Variants in F11R observed in about 807,000 individuals in gnomAD.
F11R encodes the protein junctional adhesion molecule A.
F11R carries 27 observed loss-of-function variants against 39.3 expected under a neutral mutation model. The ratio of observed to expected loss-of-function variants is 0.69; its 90% confidence interval spans 0.51 to 0.95. The LOEUF (loss-of-function observed/expected upper bound fraction) is 0.95. F11R is among the 40% of genes least tolerant of loss of function. The pLI is 0.00. For synonymous variants in F11R, 131 were observed against 144.9 expected, an observed-to-expected ratio of 0.90 and a Z score of 0.69; for missense variants, 335 against 372.7, an observed-to-expected ratio of 0.90 and a Z score of 0.83.
In F11R at chr1:160,996,238, T is replaced by C. The variant is rs1296689324; in HGVS notation, c.*2633A>G. 4.6e-5 allele frequency: 7 copies of C among 152,456 alleles called. No homozygotes were observed. The highest frequency in any genetic ancestry group is 1.3e-4 in the Admixed American group (2 of 15,298). 9.4% of individuals were successfully genotyped at this position (152,456 alleles called of 1,614,324 possible). A position where few individuals can be genotyped will look rare whatever the true frequency, so the allele number is the denominator to read the frequency against. ...TTATTATAAAAATTAGTTTTGACAT[T>C]TTAAAGTGAATGCAGACAAGGTGTT... On this transcript the variant is annotated 3_prime_UTR_variant, in exon 10 of 10. Transcript: ENST00000368026.
intron 1 of F11R, among the ~76,000 whole-genome samples, chr1:161,014,947 G>A (rs1295359851): frequency 5.3e-5 from 8 of 150,936 alleles, no homozygotes; most frequent in African/African-American, 1.5e-4. Context: ...GAATGGTGGC[G>A]GGTGCCTGTA....
chr1:161,013,902 G>C (rs780314088), intron 1 of F11R, among the ~76,000 whole-genome samples: 2 of 152,132 alleles, frequency 1.3e-5, no homozygotes, highest in African/African-American at 2.4e-5. Flanking sequence ...TTACTTCAGG[G>C]GCCCAGCACC....
chr1:161,009,105 C>T (rs1353875395), intron 1 of F11R, among the ~76,000 whole-genome samples: 1 of 152,156 alleles, frequency 6.6e-6, no homozygotes, highest in African/African-American at 2.4e-5. Flanking sequence ...TTTGCTCATG[C>T]TATTTCTGCT....
At position 161,021,150 on chromosome 1, in the gene F11R, A is replaced by G; in HGVS notation, c.-77T>C. On this transcript the variant is annotated 5_prime_UTR_variant, in exon 1 of 10. Transcript: ENST00000368026. ...ACAGCTCCGCGACTACAGCGAGGGG[A>G]CTGAGAGCCAGCCGCCAGGTGGAAC... 1 of 1,393,186 alleles carries G rather than the reference A, an allele frequency of 7.2e-7. No individual in the cohort carries two copies. The highest frequency in any genetic ancestry group is 1.2e-5 in the South Asian group (1 of 85,488). 86.3% of individuals were successfully genotyped at this position (1,393,186 alleles called of 1,614,324 possible). A position where few individuals can be genotyped will look rare whatever the true frequency, so the allele number is the denominator to read the frequency against.
intron 1 of F11R, among the ~76,000 whole-genome samples, chr1:161,014,371 G>T (rs1011928715): frequency 6.6e-6 from 1 of 152,140 alleles, no homozygotes; most frequent in African/African-American, 2.4e-5. Context: ...GACTTGGAGG[G>T]GGGTGGGATG....
In F11R at chr1:161,000,955, G is replaced by A. The variant is rs191873310; in HGVS notation, c.241+65C>T. ...GGGATAAGGGCACAAAGTCTGGATC[G>A]TAGAATCCAGGCATGATAATCCCTC... On this transcript the variant is annotated intron_variant, in intron 3 of 9. Coordinates refer to ENST00000368026, the MANE Select transcript of F11R (RefSeq NM_016946.6). 102 of 1,510,886 alleles carry A rather than the reference G, an allele frequency of 6.8e-5. No individual in the cohort carries two copies. The Admixed American group carries it at 1.1e-3, about 17-fold the overall frequency. 93.6% of individuals were successfully genotyped at this position (1,510,886 alleles called of 1,614,324 possible).
At chr1:161,012,980 T>C (rs72712872) in intron 1 of F11R, among the ~76,000 whole-genome samples, 2,674 of 152,262 alleles carry the variant, frequency 0.018, 35 homozygotes, top group Non-Finnish European at 0.029. Flanking sequence ...GCAGGTTTGT[T>C]ATATAGATGA....
chr1:161,010,641 A>T (rs1649098975), intron 1 of F11R, among the ~76,000 whole-genome samples: 1 of 152,068 alleles, frequency 6.6e-6, no homozygotes, highest in Non-Finnish European at 1.5e-5. Flanking sequence ...GTCAAAATTA[A>T]TCTCACCCCA....
chr1:161,006,254 G>A (rs1343744642), intron 1 of F11R, among the ~76,000 whole-genome samples: 2 of 151,910 alleles, frequency 1.3e-5, no homozygotes, highest in Admixed American at 1.3e-4. Context: ...GTCCAACTTT[G>A]CTTCCTTCCC....
chr1:161,001,885 C>CACA (rs1219308965), intron 1 of F11R, among the ~76,000 whole-genome samples: 2 of 152,174 alleles, frequency 1.3e-5, no homozygotes, highest in Non-Finnish European at 2.9e-5. Flanking sequence ...TGATCCTGGA[C>CACA]ACAAGCATGA....
chr1:161,011,468 G>A (rs967564658), intron 1 of F11R, among the ~76,000 whole-genome samples: 7 of 152,126 alleles, frequency 4.6e-5, no homozygotes, highest in African/African-American at 7.2e-5. Flanking sequence ...TGGGCCAGGC[G>A]CGGTGGCTCA....
chr1:161,003,005 G>A lies in F11R; in HGVS notation c.65-1652C>T, dbSNP rs1462279291. On this transcript the variant is annotated intron_variant, in intron 1 of 9. Transcript: ENST00000368026. Reference sequence around the variant, plus strand: ...TTTCACTCCTGTTGCCCAGGCTGGAGTGCAATGGCGCTATCTCAGCTCACT... The same window carrying A: ...TTTCACTCCTGTTGCCCAGGCTGGAATGCAATGGCGCTATCTCAGCTCACT... Among the ~76,000 whole-genome samples the A allele has an allele frequency of 2.7e-5, 4 of 149,482 alleles. No homozygotes were observed. The South Asian group carries it at 8.4e-4, about 31-fold the overall frequency.
intron 1 of F11R, among the ~76,000 whole-genome samples, chr1:161,007,122 G>A (rs2101977617): frequency 6.8e-6 from 1 of 147,180 alleles, no homozygotes; most frequent in South Asian, 2.1e-4. Flanking sequence ...AGTGAGCTGA[G>A]ATCGTGCCAT....
At chr1:161,015,937 AT>A (rs1186583521) in intron 1 of F11R, among the ~76,000 whole-genome samples, 7 of 152,238 alleles carry the variant, frequency 4.6e-5, no homozygotes, top group Non-Finnish European at 5.9e-5. Flanking sequence ...TTCTAATTAA[AT>A]TTTTTTAAAA....
At chr1:161,013,469 C>G (rs756027857) in intron 1 of F11R, among the ~76,000 whole-genome samples, 3 of 152,242 alleles carry the variant, frequency 2.0e-5, no homozygotes, top group Non-Finnish European at 2.9e-5. Context: ...AGCTTCCACT[C>G]TGGTTTTCCC....
Position 160,999,705 on chromosome 1 carries a change from G to C in F11R, c.737C>G (p.Thr246Ser). Residue 246 changes from threonine to serine, a missense_variant, in exon 7 of 10, where the codon ACC becomes AGC. Thr to Ser is a moderately conservative substitution (Grantham distance 58, BLOSUM62 1). Transcript: ENST00000368026. ...AACCAAGATTCCCAGGAGAATCAGG[G>C]TTACAAGGACGGCTGCCACGATGAC... ...VGVIVAAVLV[T>S]LILLGILVFG... The C allele has an allele frequency of 6.2e-7, 1 of 1,614,148 alleles. No homozygotes were observed. The highest frequency in any genetic ancestry group is 1.3e-5 in the African/African-American group (1 of 75,030).
At position 160,999,389 on chromosome 1, in the gene F11R, C is replaced by T. The variant is rs1557888792; in HGVS notation, c.815+7G>A. On this transcript the variant is annotated splice_region_variant and intron_variant, in intron 8 of 9. Coordinates refer to ENST00000368026, the MANE Select transcript of F11R (RefSeq NM_016946.6). ...CTTGGAGAACCCCAGGACAGCACCTCACTCACCCTTTCTTTGTTCCTGAAA... is the reference window on the plus strand; with the variant it reads ...CTTGGAGAACCCCAGGACAGCACCTTACTCACCCTTTCTTTGTTCCTGAAA... 6.2e-7 allele frequency: 1 copy of T among 1,614,108 alleles called. No homozygotes were observed. Among genetic ancestry groups the T allele is most frequent in the Non-Finnish European group, 8.5e-7 (1 of 1,180,050 alleles).
intron 1 of F11R, among the ~76,000 whole-genome samples, chr1:161,006,614 G>A (rs1406447875): frequency 6.6e-6 from 1 of 152,112 alleles, no homozygotes; most frequent in African/African-American, 2.4e-5. Context: ...CTGGGCTTCT[G>A]TTATTTTGTT....
chr1:161,016,816 A>G (rs530187137), intron 1 of F11R, among the ~76,000 whole-genome samples: 20 of 152,180 alleles, frequency 1.3e-4, no homozygotes, highest in Non-Finnish European at 2.5e-4. Context: ...GGGAGAGGAA[A>G]GGAGGAGTGA....
Sources: gnomAD v4.1 joint callset for allele counts (sites outside exome capture counted in the v4.1 genomes callset) on GRCh38, gnomAD v4.1.1 for gene constraint, MANE v1.5 for transcripts, NCBI Gene and HGNC (gene_info 2026-07-23, HGNC 2026-07-21) for gene names.